SOBP: variants seen among roughly 807,000 people sequenced by gnomAD.
SOBP encodes the protein sine oculis-binding protein homolog.
Under a neutral mutation model 53.6 loss-of-function variants are expected in SOBP, and 4 were observed. The observed-to-expected ratio is 0.07, with a 90% confidence interval of 0.04 to 0.17. The LOEUF is 0.17. Among genes scored for constraint, SOBP ranks in the 10% least tolerant of loss-of-function variants. SOBP has a pLI of 1.00. For missense variants in SOBP, 1,088 were observed against 1,204.7 expected (o/e 0.90, Z 1.43); for synonymous variants, 584 against 522.6 (o/e 1.12, Z -1.60).
intron 4 of SOBP, among the ~76,000 whole-genome samples, chr6:107,585,070 GAATAT>G (rs1221066262): frequency 1.3e-5 from 2 of 152,254 alleles, no homozygotes; most frequent in African/African-American, 4.8e-5. Flanking sequence ...AGTGCATCAG[GAATAT>G]AATAAAGCTA....
chr6:107,525,681 T>C (rs1783640934), intron 3 of SOBP, among the ~76,000 whole-genome samples: 1 of 152,230 alleles, frequency 6.6e-6, no homozygotes, highest in African/African-American at 2.4e-5. Context: ...TCCTCTTCAT[T>C]TCCACTGTCA....
intron 2 of SOBP, 135 bp downstream of exon 2, chr6:107,503,930 A>G: frequency 1.9e-6 from 2 of 1,074,596 alleles, no homozygotes; most frequent in Non-Finnish European, 2.8e-6. Flanking sequence ...ATACATCCCC[A>G]ATAGTGCTTT....
At chr6:107,607,219 C>A (rs1016726787) in intron 5 of SOBP, among the ~76,000 whole-genome samples, 2 of 152,114 alleles carry the variant, frequency 1.3e-5, no homozygotes, top group Non-Finnish European at 2.9e-5. Flanking sequence ...CCTTACATAC[C>A]CCACCCACAG....
In SOBP at chr6:107,490,148, C is replaced by G. The variant is rs888901634; in HGVS notation, c.-469C>G. On this transcript the variant is annotated 5_prime_UTR_variant, in exon 1 of 7. Transcript: ENST00000317357. ...CCGGGCTCACACACAGCCGCGCACGCACGCCCGGGGCCGCTCTCCGCGCCG... is the reference window on the plus strand; with the variant it reads ...CCGGGCTCACACACAGCCGCGCACGGACGCCCGGGGCCGCTCTCCGCGCCG... The G allele has an allele frequency of 1.6e-4, 24 of 149,480 alleles. No individual in the cohort carries two copies. The highest frequency in any genetic ancestry group is 5.8e-4 in the African/African-American group (24 of 41,136). The allele number at this position is 149,480 out of a possible 1,614,324, so 9.3% of individuals were successfully genotyped here.
At position 107,633,880 on chromosome 6, in the gene SOBP, C is replaced by T; in HGVS notation, c.1036C>T (p.Pro346Ser). 1.9e-6 allele frequency: 3 copies of T among 1,614,204 alleles called. No individual in the cohort carries two copies. The highest frequency in any genetic ancestry group is 2.5e-6 in the Non-Finnish European group (3 of 1,180,034). ...DTANCSVTKI[P>S]TPVPKSIPIS... ...TGCCAACTGCTCTGTCACTAAAATCCCCACGCCAGTGCCCAAGTCCATCCC... is the reference window on the plus strand; with the variant it reads ...TGCCAACTGCTCTGTCACTAAAATCTCCACGCCAGTGCCCAAGTCCATCCC... Residue 346 changes from proline (P) to serine (S), a missense_variant, in exon 6 of 7, where the codon CCC becomes TCC. Pro to Ser is a moderately conservative substitution (Grantham distance 74). Around this residue, in one of 6 missense-constraint regions of SOBP, gnomAD observed 211 missense variants for 258.9 expected, o/e 0.82. Transcript: ENST00000317357.
Position 107,549,293 on chromosome 6 carries a change from C to A in SOBP, c.573+15683C>A, listed in dbSNP as rs370751335. 4.2e-3 allele frequency among the ~76,000 whole-genome samples: 628 copies of A among 149,560 alleles called. 5 individuals carry two copies. The highest frequency in any genetic ancestry group is 0.012 in the African/African-American group (472 of 40,830). On this transcript the variant is annotated intron_variant, in intron 4 of 6. Transcript: ENST00000317357. Reference sequence around the variant, plus strand: ...AAAACAAACAAACAAACAACAACAACAAAAAAAAACAGATAAATCCAGAGA... The same window carrying A: ...AAAACAAACAAACAAACAACAACAAAAAAAAAAAACAGATAAATCCAGAGA...
intron 5 of SOBP, among the ~76,000 whole-genome samples, chr6:107,617,526 G>A (rs1786838048): frequency 1.3e-5 from 2 of 152,156 alleles, no homozygotes; most frequent in Admixed American, 6.5e-5. Flanking sequence ...TGTGACTCCC[G>A]TTTACTGCGT....
intron 4 of SOBP, among the ~76,000 whole-genome samples, chr6:107,567,937 G>T (rs1217451494): frequency 6.6e-6 from 1 of 152,136 alleles, no homozygotes; most frequent in Non-Finnish European, 1.5e-5. Context: ...CTCCAGAGTG[G>T]GTGTGTGGAA....
chr6:107,624,847 G>A (rs1770387195), intron 5 of SOBP, among the ~76,000 whole-genome samples: 2 of 152,186 alleles, frequency 1.3e-5, no homozygotes. Context: ...GTTCCTTAGA[G>A]TTCTAAATGT....
At chr6:107,641,869 G>A (rs377526233) in intron 6 of SOBP, among the ~76,000 whole-genome samples, 1 of 152,158 alleles carries the variant, frequency 6.6e-6, no homozygotes, top group Non-Finnish European at 1.5e-5. Context: ...CGAACGCCCC[G>A]CCTTTTCCAG....
At chr6:107,592,839 T>A (rs1785806930) in intron 5 of SOBP, among the ~76,000 whole-genome samples, 1 of 152,214 alleles carries the variant, frequency 6.6e-6, no homozygotes, top group Admixed American at 6.5e-5. Context: ...ATTCCTGTAT[T>A]CCCGTAGTTT....
intron 5 of SOBP, among the ~76,000 whole-genome samples, chr6:107,595,519 A>C (rs9486653): frequency 0.014 from 2,166 of 152,202 alleles, 50 homozygotes; most frequent in African/African-American, 0.05. Flanking sequence ...TTATTGTTTT[A>C]ATTACTAGAA....
intron 5 of SOBP, among the ~76,000 whole-genome samples, chr6:107,608,962 T>C (rs1238789765): frequency 6.6e-6 from 1 of 151,934 alleles, no homozygotes; most frequent in African/African-American, 2.4e-5. Flanking sequence ...TTAATACCAC[T>C]CCCCCGCCCC....
chr6:107,521,914 A>ACACACAC (rs1396744499), intron 3 of SOBP, among the ~76,000 whole-genome samples: 15 of 11,922 alleles, frequency 1.3e-3, no homozygotes, highest in African/African-American at 2.0e-3. Context: ...ATTAAAACAC[A>ACACACAC]CACACACACA....
At position 107,533,438 on chromosome 6, in the gene SOBP, T is replaced by C. The variant is rs761047469; in HGVS notation, c.422-21T>C. The C allele has an allele frequency of 8.1e-6, 13 of 1,613,764 alleles. No homozygotes were observed. In the African/African-American group the frequency reaches 1.6e-4, roughly 20 times the overall value. On this transcript the variant is annotated intron_variant, in intron 3 of 6. Coordinates refer to ENST00000317357, the MANE Select transcript of SOBP (RefSeq NM_018013.4). ...GATGTTTGCTTCTGATATGAACATT[T>C]TTCTTATACTTTTATTATAGAAGAT...
intron 4 of SOBP, among the ~76,000 whole-genome samples, chr6:107,581,712 G>A (rs369096334): frequency 6.6e-6 from 1 of 152,210 alleles, no homozygotes; most frequent in East Asian, 1.9e-4. Flanking sequence ...AATTCCATGC[G>A]TTTTCAGAGC....
intron 4 of SOBP, among the ~76,000 whole-genome samples, chr6:107,551,249 G>A (rs748716567): frequency 3.3e-5 from 5 of 152,160 alleles, no homozygotes; most frequent in Non-Finnish European, 5.9e-5. Flanking sequence ...AGAGGAGGCT[G>A]TAATTGCAGT....
chr6:107,516,279 C>T (rs183531441), intron 3 of SOBP, among the ~76,000 whole-genome samples: 14 of 152,110 alleles, frequency 9.2e-5, no homozygotes, highest in Admixed American at 5.9e-4. Context: ...CCAGCCTTCA[C>T]GGCAAAACCT....
At chr6:107,539,122 A>G (rs1360212914) in intron 4 of SOBP, among the ~76,000 whole-genome samples, 2 of 152,180 alleles carry the variant, frequency 1.3e-5, no homozygotes, top group African/African-American at 2.4e-5. Flanking sequence ...GGTCTAAGGG[A>G]TACCTGGAAC....
Sources: gnomAD v4.1 joint callset for allele counts (sites outside exome capture counted in the v4.1 genomes callset) on GRCh38, gnomAD v4.1.1 for gene constraint, gnomAD v4.1.1 regional missense constraint, MANE v1.5 for transcripts, NCBI Gene and HGNC (gene_info 2026-07-23, HGNC 2026-07-21) for gene names.